The following ZCCHC9 variants were observed in gnomAD, a reference collection of about 807,000 sequenced individuals.
The protein encoded by ZCCHC9 is zinc finger CCHC domain-containing protein 9.
Under a neutral mutation model 30.8 loss-of-function variants are expected in ZCCHC9, and 18 were observed. The ratio of observed to expected loss-of-function variants is 0.58; its 90% confidence interval spans 0.40 to 0.87. ZCCHC9 has a LOEUF of 0.87. ZCCHC9 is among the 40% of genes least tolerant of loss of function. The pLI, the probability that ZCCHC9 is intolerant of heterozygous loss-of-function variation, is 0.00. For missense variants in ZCCHC9, 279 were observed against 331.2 expected (o/e 0.84, Z 1.22); for synonymous variants, 94 against 106.7 (o/e 0.88, Z 0.73).
In ZCCHC9 at chr5:81,305,095, G is replaced by A. The variant is rs1212954217; in HGVS notation, c.338G>A (p.Arg113Gln). 9 of 1,605,726 alleles carry A rather than the reference G, an allele frequency of 5.6e-6. No homozygotes were observed. The highest frequency in any genetic ancestry group is 4.5e-5 in the South Asian group (4 of 88,926). Reference protein sequence around the residue: ...IAVALKKDSRREGRRLKRQAA... With the variant: ...IAVALKKDSRQEGRRLKRQAA... ...GTTGCTTTAAAGAAAGACAGTCGAC[G>A]GGAAGGAAGAAGATTAAAAAGACAA... The change falls in exon 2 of 6, where the codon CGG becomes CAG. Residue 113 changes from arginine to glutamine, a missense_variant. By Grantham distance (43) the Arg-to-Gln change is conservative. Coordinates refer to ENST00000407610, the MANE Select transcript of ZCCHC9 (RefSeq NM_001131035.2).
At chr5:81,305,319 T>G (rs1758058148) in intron 2 of ZCCHC9, among the ~76,000 whole-genome samples, 178 bp downstream of exon 2, 1 of 151,926 alleles carries the variant, frequency 6.6e-6, no homozygotes, top group South Asian at 2.1e-4. Flanking sequence ...ATGTACTGGT[T>G]AATTATTACA....
chr5:81,309,191 A>C, intron 4 of ZCCHC9, 153 bp downstream of exon 4: 1 of 537,072 alleles, frequency 1.9e-6, no homozygotes, highest in East Asian at 3.2e-5. Context: ...CATATGTACT[A>C]GGCTTTTTGT....
At chr5:81,311,399 T>C in intron 5 of ZCCHC9, 120 bp downstream of exon 5, 1 of 1,020,172 alleles carries the variant, frequency 9.8e-7, no homozygotes, top group Admixed American at 1.9e-5. Flanking sequence ...CCTGTTTTCC[T>C]ACTGTAGCAA....
rs146916950 is a variant in ZCCHC9, at chr5:81,306,707, C to G, written c.384+1566C>G. On this transcript the variant is annotated intron_variant, in intron 2 of 5. Transcript: ENST00000407610. ...CCTTAAATGCTAATAAAATGATATG[C>G]TATAGAAATTTACAATCAGTGCTTC... 2.9e-3 allele frequency among the ~76,000 whole-genome samples: 438 copies of G among 152,030 alleles called. 2 individuals are homozygous for G. Among genetic ancestry groups the G allele is most frequent in the African/African-American group, 0.01 (417 of 41,426 alleles).
At chr5:81,309,294 C>A in intron 4 of ZCCHC9, 1 of 342,944 alleles carries the variant, frequency 2.9e-6, no homozygotes, top group Non-Finnish European at 5.3e-6. Flanking sequence ...GAGACTATGT[C>A]ATACATTTCT....
In ZCCHC9 at chr5:81,311,238, T is replaced by C. The variant is rs1388503718; in HGVS notation, c.656T>C (p.Val219Ala). ...GGCGGTTGCAAACTTTGTGGCTCTG[T>C]GGAACATTTAAAGAAAGATTGCCCT... ...DGGGCKLCGS[V>A]EHLKKDCPES... Residue 219 changes from valine to alanine, a missense_variant, in exon 5 of 6, where the codon GTG becomes GCG. Transcript: ENST00000407610. The C allele has an allele frequency of 1.2e-6, 2 of 1,614,122 alleles. No homozygotes were observed.
intron 3 of ZCCHC9, 31 bp from the exon 4 acceptor site, chr5:81,308,915 T>A (rs373629468): frequency 6.3e-7 from 1 of 1,583,072 alleles, no homozygotes; most frequent in Non-Finnish European, 8.6e-7. Flanking sequence ...ATATGTATTG[T>A]CAACTGAATA....
At chr5:81,310,954 A>G (rs1443976397) in intron 4 of ZCCHC9, among the ~76,000 whole-genome samples, 3 of 152,168 alleles carry the variant, frequency 2.0e-5, no homozygotes, top group Non-Finnish European at 4.4e-5. Flanking sequence ...AGTGCCTTCC[A>G]TCATATCTCA....
chr5:81,307,489 T>C (rs1481812617), intron 2 of ZCCHC9, among the ~76,000 whole-genome samples: 1 of 151,066 alleles, frequency 6.6e-6, no homozygotes, highest in Non-Finnish European at 1.5e-5. Context: ...CCATCTCTAC[T>C]AAAAAATACC....
At chr5:81,310,310 G>T (rs1758239805) in intron 4 of ZCCHC9, among the ~76,000 whole-genome samples, 1 of 151,926 alleles carries the variant, frequency 6.6e-6, no homozygotes, top group Non-Finnish European at 1.5e-5. Context: ...TTTTAATTTA[G>T]AACACTTTAG....
chr5:81,309,046 C>G lies in ZCCHC9; in HGVS notation c.628+8C>G. On this transcript the variant is annotated splice_region_variant and intron_variant, in intron 4 of 5. Coordinates refer to ENST00000407610, the MANE Select transcript of ZCCHC9 (RefSeq NM_001131035.2). ...AAGGACTCTATGCTGATGGTAAGTA[C>G]TGTTACCCTCATATAGCAGAAATGG... is the stretch of plus-strand genomic sequence containing the variant. 10 of 1,583,352 alleles carry G rather than the reference C, an allele frequency of 6.3e-6. No individual in the cohort carries two copies. Among genetic ancestry groups the G allele is most frequent in the Non-Finnish European group, 7.8e-6 (9 of 1,159,672 alleles).
chr5:81,303,833 A>G (rs542484821), intron 1 of ZCCHC9: 1 of 152,322 alleles, frequency 6.6e-6, no homozygotes, highest in East Asian at 1.9e-4. Context: ...CCTAAATGTT[A>G]TGTAGCATGT....
chr5:81,302,067 T>C (rs1238190507), intron 1 of ZCCHC9: 1 of 152,338 alleles, frequency 6.6e-6, no homozygotes, highest in Non-Finnish European at 1.5e-5. Context: ...TAAAGTGGCA[T>C]GGAGTTTCTC....
chr5:81,304,685 T>C (rs1758040440), intron 1 of ZCCHC9, 56 bp from the exon 2 acceptor site: 1 of 1,472,260 alleles, frequency 6.8e-7, no homozygotes, highest in Admixed American at 2.4e-5. Flanking sequence ...CTCTTTAGTT[T>C]TGTTGTTTTT....
rs952600174 is a variant in ZCCHC9, at chr5:81,305,035, C to T, written c.278C>T (p.Ala93Val). 3.7e-6 allele frequency: 6 copies of T among 1,614,058 alleles called. No individual in the cohort carries two copies. The highest frequency in any genetic ancestry group is 4.2e-6 in the Non-Finnish European group (5 of 1,180,024). Reference protein sequence around the residue: ...SQMVHNGQIIATDSEEVREEI... With the variant: ...SQMVHNGQIIVTDSEEVREEI... ...ATGGTTCACAATGGGCAAATTATAG[C>T]AACAGACAGTGAGGAAGTAAGGGAA... Residue 93 changes from alanine to valine, a missense_variant, in exon 2 of 6, where the codon GCA becomes GTA. Coordinates refer to ENST00000407610, the MANE Select transcript of ZCCHC9 (RefSeq NM_001131035.2).
Position 81,308,595 on chromosome 5 carries a change from T to C in ZCCHC9, c.419T>C (p.Ile140Thr). The C allele has an allele frequency of 6.2e-7, 1 of 1,613,412 alleles. No individual in the cohort carries two copies. Among genetic ancestry groups the C allele is most frequent in the Non-Finnish European group, 8.5e-7 (1 of 1,179,710 alleles). Reference protein sequence around the residue: ...CFHCRKPGHGIADCPAALENQ... With the variant: ...CFHCRKPGHGTADCPAALENQ... ...CATTGTAGAAAACCTGGTCATGGAA[T>C]TGCAGATTGCCCCGCCGCCCTTGAA... The change falls in exon 3 of 6, where the codon ATT (isoleucine) becomes ACT (threonine). Residue 140 changes from isoleucine to threonine, a missense_variant. Transcript: ENST00000407610.
At chr5:81,308,248 C>A (rs1280893501) in intron 2 of ZCCHC9, among the ~76,000 whole-genome samples, 2 of 151,966 alleles carry the variant, frequency 1.3e-5, no homozygotes, top group East Asian at 1.9e-4. Context: ...TGCAGACATT[C>A]CAGTTAATAA....
At chr5:81,311,429 A>T (rs1758283068) in intron 5 of ZCCHC9, 150 bp downstream of exon 5, 5 of 851,930 alleles carry the variant, frequency 5.9e-6, no homozygotes, top group Non-Finnish European at 1.9e-6. Context: ...CTCTGTCAGC[A>T]ATAGACACAC....
chr5:81,306,701 G>C (rs1758091987), intron 2 of ZCCHC9, among the ~76,000 whole-genome samples: 1 of 152,024 alleles, frequency 6.6e-6, no homozygotes, highest in African/African-American at 2.4e-5. Flanking sequence ...CTAATAAAAT[G>C]ATATGCTATA....
Sources: allele counts gnomAD v4.1 joint callset (sites outside exome capture counted in the v4.1 genomes callset), GRCh38; gene constraint gnomAD v4.1.1; transcripts MANE v1.5; gene names NCBI Gene and HGNC (gene_info 2026-07-23, HGNC 2026-07-21).